COL25A1: variants seen among roughly 807,000 people sequenced by gnomAD.
The protein encoded by COL25A1 is collagen alpha-1(XXV) chain.
Under a neutral mutation model 128.4 loss-of-function variants are expected in COL25A1, and 103 were observed. The observed-to-expected ratio is 0.80, with a 90% CI of 0.68 to 0.94. The LOEUF is 0.94. Ranked by LOEUF, COL25A1 falls within the 40% of genes least tolerant of loss-of-function variation. COL25A1 has a pLI of 0.00. For missense variants in COL25A1, 745 were observed against 840.0 expected, an observed-to-expected ratio of 0.89 and a Z score of 1.40; for synonymous variants, 279 against 277.2, an observed-to-expected ratio of 1.01 and a Z score of -0.06.
At chr4:109,164,461 T>C (rs769219217) in intron 3 of COL25A1, among the ~76,000 whole-genome samples, 3 of 152,296 alleles carry the variant, frequency 2.0e-5, no homozygotes, top group Non-Finnish European at 2.9e-5. Context: ...AAGAAATACA[T>C]GTGTTTGTTT....
At chr4:109,065,213 C>T (rs1327649137) in intron 3 of COL25A1, among the ~76,000 whole-genome samples, 1 of 152,160 alleles carries the variant, frequency 6.6e-6, no homozygotes, top group Non-Finnish European at 1.5e-5. Context: ...AATCATTCTG[C>T]CCAAGTACAC....
intron 6 of COL25A1, among the ~76,000 whole-genome samples, chr4:108,979,896 G>C (rs950873336): frequency 1.3e-5 from 2 of 152,156 alleles, no homozygotes; most frequent in Non-Finnish European, 2.9e-5. Context: ...GAGTTGAAAA[G>C]ATGCTATTGG....
intron 3 of COL25A1, among the ~76,000 whole-genome samples, chr4:109,293,116 A>G (rs1320975676): frequency 1.3e-5 from 2 of 152,106 alleles, no homozygotes; most frequent in African/African-American, 4.8e-5. Context: ...GACAGCTCCC[A>G]GCATTGACCT....
intron 3 of COL25A1, among the ~76,000 whole-genome samples, chr4:109,144,230 A>C (rs931177197): frequency 1.3e-5 from 2 of 152,212 alleles, no homozygotes; most frequent in Non-Finnish European, 2.9e-5. Flanking sequence ...CGGAGGCTGC[A>C]GAACAGCAAA....
chr4:109,056,165 T>C (rs1017890547), intron 3 of COL25A1, among the ~76,000 whole-genome samples: 1 of 152,112 alleles, frequency 6.6e-6, no homozygotes, highest in Non-Finnish European at 1.5e-5. Flanking sequence ...TTTGGAAAAG[T>C]CTTTCTCCCT....
intron 3 of COL25A1, among the ~76,000 whole-genome samples, chr4:109,113,592 T>C (rs531706765): frequency 1.3e-5 from 2 of 151,940 alleles, no homozygotes; most frequent in East Asian, 3.9e-4. Context: ...ACATCAAACA[T>C]ATTTAAAACT....
intron 6 of COL25A1, among the ~76,000 whole-genome samples, chr4:108,986,276 T>C (rs2126005725): frequency 6.6e-6 from 1 of 152,266 alleles, no homozygotes; most frequent in African/African-American, 2.4e-5. Context: ...CAGGGGCCCA[T>C]TTTGTAATCT....
intron 6 of COL25A1, among the ~76,000 whole-genome samples, chr4:108,987,223 C>G (rs970270724): frequency 1.1e-4 from 17 of 152,278 alleles, no homozygotes; most frequent in Admixed American, 4.6e-4. Flanking sequence ...CAAGGAGCCT[C>G]TCCTCCAGCC....
intron 13 of COL25A1, among the ~76,000 whole-genome samples, chr4:108,905,717 T>C (rs1216800522): frequency 6.6e-6 from 1 of 151,942 alleles, no homozygotes; most frequent in Non-Finnish European, 1.5e-5. Flanking sequence ...CCAAAAGCCT[T>C]TAAAACCAAG....
chr4:109,206,993 A>G (rs750985604), intron 3 of COL25A1, among the ~76,000 whole-genome samples: 1 of 152,204 alleles, frequency 6.6e-6, no homozygotes, highest in African/African-American at 2.4e-5. Flanking sequence ...ATATAGCTTC[A>G]GCAGATAATT....
At chr4:108,869,627 G>C (rs1332829642) in intron 19 of COL25A1, among the ~76,000 whole-genome samples, 1 of 152,182 alleles carries the variant, frequency 6.6e-6, no homozygotes, top group Non-Finnish European at 1.5e-5. Flanking sequence ...TAGAGAACTG[G>C]TGTTGGAAAA....
intron 6 of COL25A1, among the ~76,000 whole-genome samples, chr4:108,994,201 C>T (rs1366743837): frequency 1.3e-5 from 2 of 152,170 alleles, no homozygotes; most frequent in Admixed American, 1.3e-4. Context: ...CCTTTCCTAG[C>T]CAAGGGAAGC....
intron 3 of COL25A1, among the ~76,000 whole-genome samples, chr4:109,162,756 G>A (rs1772701276): frequency 6.6e-6 from 1 of 152,210 alleles, no homozygotes; most frequent in African/African-American, 2.4e-5. Flanking sequence ...TGTGGCCTGA[G>A]AGGCACTGTC....
At chr4:109,135,682 A>C (rs1769670012) in intron 3 of COL25A1, among the ~76,000 whole-genome samples, 1 of 152,136 alleles carries the variant, frequency 6.6e-6, no homozygotes, top group African/African-American at 2.4e-5. Flanking sequence ...TCTAAACTCC[A>C]AATTTAATCT....
chr4:108,862,301 A>G (rs913803550), intron 22 of COL25A1, among the ~76,000 whole-genome samples, 200 bp downstream of exon 22: 1 of 152,256 alleles, frequency 6.6e-6, no homozygotes, highest in African/African-American at 2.4e-5. Flanking sequence ...AGACTATTCA[A>G]AAACAAGCAA....
rs1209981344 is a variant in COL25A1, at chr4:108,869,609, CAG to C, written c.1021-461_1021-460del. 2.0e-5 allele frequency among the ~76,000 whole-genome samples: 3 copies of C among 152,122 alleles called. No individual in the cohort carries two copies. The South Asian group carries it at 6.2e-4, about 32-fold the overall frequency. ...GGACACCCAGTTGGTGTCAGAGAAT[CAG>C]AGAGGTAGAGAACTGGTGTTGGAAA... On this transcript the variant is annotated intron_variant, in intron 19 of 37. Coordinates refer to ENST00000399132, the MANE Select transcript of COL25A1 (RefSeq NM_198721.4).
intron 3 of COL25A1, among the ~76,000 whole-genome samples, chr4:109,270,083 G>A (rs1231211363): frequency 6.6e-6 from 1 of 151,950 alleles, no homozygotes; most frequent in Non-Finnish European, 1.5e-5. Flanking sequence ...AATAATAAGA[G>A]CTATCTATGA....
At chr4:108,980,890 G>C (rs1275905347) in intron 6 of COL25A1, among the ~76,000 whole-genome samples, 3 of 152,190 alleles carry the variant, frequency 2.0e-5, no homozygotes, top group Non-Finnish European at 2.9e-5. Flanking sequence ...GATGTGCTCA[G>C]GCACAAGCAA....
At chr4:108,879,315 T>C (rs948135098) in intron 19 of COL25A1, among the ~76,000 whole-genome samples, 1 of 152,254 alleles carries the variant, frequency 6.6e-6, no homozygotes, top group African/African-American at 2.4e-5. Flanking sequence ...ATGATACTAC[T>C]GTGAAAATGT....
Sources: allele counts gnomAD v4.1 joint callset (sites outside exome capture counted in the v4.1 genomes callset), GRCh38; gene constraint gnomAD v4.1.1; transcripts MANE v1.5; gene names NCBI Gene and HGNC (gene_info 2026-07-23, HGNC 2026-07-21).